ZCCHC7: variants seen among roughly 807,000 people sequenced by gnomAD.
The protein encoded by ZCCHC7 is zinc finger CCHC-type containing 7, also known as zinc finger CCHC domain-containing protein 7.
A neutral mutation model predicts 52.0 loss-of-function variants in ZCCHC7; 35 were observed. The observed-to-expected ratio is 0.67, with a 90% confidence interval of 0.51 to 0.89. ZCCHC7 has a LOEUF of 0.89. Among genes scored for constraint, ZCCHC7 ranks in the 40% least tolerant of loss-of-function variants. ZCCHC7 has a pLI of 0.00. For synonymous variants in ZCCHC7, 217 were observed against 221.5 expected (o/e 0.98, Z 0.18); for missense variants, 574 against 649.1 (o/e 0.88, Z 1.26).
chr9:37,246,469 G>A (rs1826085698), intron 2 of ZCCHC7, among the ~76,000 whole-genome samples: 1 of 152,088 alleles, frequency 6.6e-6, no homozygotes, highest in African/African-American at 2.4e-5. Flanking sequence ...AAATGTGAAT[G>A]CATTGTGAAA....
At chr9:37,130,799 A>T (rs1000725118) in intron 2 of ZCCHC7, among the ~76,000 whole-genome samples, 2 of 151,710 alleles carry the variant, frequency 1.3e-5, no homozygotes, top group African/African-American at 4.8e-5. Context: ...TCTGGCCAGA[A>T]ATCTCTTAAC....
intron 2 of ZCCHC7, among the ~76,000 whole-genome samples, chr9:37,142,530 C>T (rs1262963944): frequency 2.0e-5 from 3 of 151,712 alleles, no homozygotes; most frequent in African/African-American, 4.8e-5. Context: ...TTTCTAGTTA[C>T]TGTGCTTCAC....
At chr9:37,139,635 C>G (rs1255966748) in intron 2 of ZCCHC7, among the ~76,000 whole-genome samples, 1 of 151,920 alleles carries the variant, frequency 6.6e-6, no homozygotes, top group Non-Finnish European at 1.5e-5. Flanking sequence ...TGTTCTTAAT[C>G]TCGTGTTTTG....
chr9:37,323,679 A>G (rs1830135604), intron 5 of ZCCHC7, among the ~76,000 whole-genome samples: 1 of 152,174 alleles, frequency 6.6e-6, no homozygotes, highest in South Asian at 2.1e-4. Flanking sequence ...TTAATTGTAT[A>G]TTTCTATGAT....
intron 2 of ZCCHC7, among the ~76,000 whole-genome samples, chr9:37,146,294 T>A (rs1488956299): frequency 6.6e-6 from 1 of 151,904 alleles, no homozygotes; most frequent in Non-Finnish European, 1.5e-5. Context: ...TTTCCTCCTT[T>A]GGTTTCAGGC....
intron 6 of ZCCHC7, among the ~76,000 whole-genome samples, chr9:37,334,659 G>T (rs1830575219): frequency 6.6e-6 from 1 of 151,940 alleles, no homozygotes; most frequent in African/African-American, 2.4e-5. Flanking sequence ...AGAAATTCAA[G>T]GGTGTTATGT....
chr9:37,122,695 T>G (rs1842365310), intron 1 of ZCCHC7, among the ~76,000 whole-genome samples: 1 of 152,260 alleles, frequency 6.6e-6, no homozygotes, highest in Admixed American at 6.5e-5. Flanking sequence ...ATCCAGGCAC[T>G]TTGGGAGTCC....
At chr9:37,275,692 G>T (rs1383017610) in intron 2 of ZCCHC7, among the ~76,000 whole-genome samples, 1 of 152,062 alleles carries the variant, frequency 6.6e-6, no homozygotes, top group African/African-American at 2.4e-5. Flanking sequence ...ACCCAGGCTG[G>T]ATTGCAATGG....
chr9:37,326,408 CTTTAG>C (rs1447263941), intron 5 of ZCCHC7, among the ~76,000 whole-genome samples: 1 of 151,398 alleles, frequency 6.6e-6, no homozygotes, highest in Non-Finnish European at 1.5e-5. Context: ...TAGTAAGACA[CTTTAG>C]TTTCCAGGAA....
At chr9:37,259,634 T>C (rs1207116397) in intron 2 of ZCCHC7, among the ~76,000 whole-genome samples, 1 of 152,210 alleles carries the variant, frequency 6.6e-6, no homozygotes, top group African/African-American at 2.4e-5. Flanking sequence ...AGCTAATTTT[T>C]AGAACAATTT....
chr9:37,126,244 A>G, intron 1 of ZCCHC7, 68 bp from the exon 2 acceptor site: 6 of 1,403,518 alleles, frequency 4.3e-6, no homozygotes, highest in Non-Finnish European at 5.8e-6. Flanking sequence ...GACAGGTGAT[A>G]TTGTTACTTA....
intron 2 of ZCCHC7, among the ~76,000 whole-genome samples, chr9:37,250,180 T>C (rs186087172): frequency 1.5e-4 from 23 of 152,316 alleles, no homozygotes; most frequent in Admixed American, 9.8e-4. Context: ...TGAATAGTTT[T>C]CTCCATATAT....
At chr9:37,301,918 C>T (rs1829046531) in intron 2 of ZCCHC7, among the ~76,000 whole-genome samples, 1 of 152,030 alleles carries the variant, frequency 6.6e-6, no homozygotes, top group Admixed American at 6.6e-5. Flanking sequence ...TTTTCACATA[C>T]CTCATTTTAT....
intron 2 of ZCCHC7, among the ~76,000 whole-genome samples, chr9:37,224,884 A>C (rs1421122963): frequency 6.6e-6 from 1 of 152,198 alleles, no homozygotes; most frequent in East Asian, 1.9e-4. Flanking sequence ...GGAAAGGAGC[A>C]GGTGTAGCGA....
At chr9:37,148,100 A>T (rs1342722159) in intron 2 of ZCCHC7, among the ~76,000 whole-genome samples, 1 of 152,116 alleles carries the variant, frequency 6.6e-6, no homozygotes, top group African/African-American at 2.4e-5. Flanking sequence ...GAATTGAAAG[A>T]TTTGTAAGCT....
At chr9:37,154,527 G>A (rs1820704964) in intron 2 of ZCCHC7, among the ~76,000 whole-genome samples, 1 of 152,112 alleles carries the variant, frequency 6.6e-6, no homozygotes, top group Non-Finnish European at 1.5e-5. Flanking sequence ...TCGTCACCTA[G>A]GTTGGAGTGC....
chr9:37,139,034 A>C (rs2132758351), intron 2 of ZCCHC7, among the ~76,000 whole-genome samples: 1 of 151,990 alleles, frequency 6.6e-6, no homozygotes, highest in East Asian at 1.9e-4. Context: ...GAGGCTGTTC[A>C]GATAATTCAT....
chr9:37,310,807 AT>A (rs1829557656), intron 5 of ZCCHC7, among the ~76,000 whole-genome samples: 1 of 151,708 alleles, frequency 6.6e-6, no homozygotes, highest in South Asian at 2.1e-4. Context: ...AAATTTAAAA[AT>A]TAGCCAGGCA....
chr9:37,254,833 G>GTTTCTTT (rs1554719684), intron 2 of ZCCHC7, among the ~76,000 whole-genome samples: 3 of 12,430 alleles, frequency 2.4e-4, no homozygotes, highest in Non-Finnish European at 6.1e-4. Flanking sequence ...TGCTCAAAAA[G>GTTTCTTT]TTTCTTTTTT....
Sources: allele counts gnomAD v4.1 joint callset (sites outside exome capture counted in the v4.1 genomes callset), GRCh38; gene constraint gnomAD v4.1.1; transcripts MANE v1.5; gene names NCBI Gene and HGNC (gene_info 2026-07-23, HGNC 2026-07-21).